The following ACAA2 variants were observed in gnomAD, a reference collection of about 807,000 sequenced individuals.
The protein encoded by ACAA2 is acetyl-CoA acyltransferase 2, also known as 3-ketoacyl-CoA thiolase, mitochondrial.
A neutral mutation model predicts 44.8 loss-of-function variants in ACAA2; 35 were observed. That is an observed-to-expected ratio of 0.78 (90% CI 0.60 to 1.04). The LOEUF (loss-of-function observed/expected upper bound fraction) is 1.04, where lower values mean the gene tolerates loss of function less well. Ranked by LOEUF, ACAA2 falls within the 50% of genes least tolerant of loss-of-function variation. The probability of loss-of-function intolerance (pLI) is 0.00; values close to 1 mark genes in which losing one functional copy is unlikely to be tolerated. For missense variants in ACAA2, 468 were observed against 482.6 expected (o/e 0.97, Z 0.28); for synonymous variants, 142 against 166.5 (o/e 0.85, Z 1.13).
At chr18:49,800,652 T>G (rs1385574008) in intron 2 of ACAA2, among the ~76,000 whole-genome samples, 2 of 152,166 alleles carry the variant, frequency 1.3e-5, no homozygotes, top group Non-Finnish European at 2.9e-5. Context: ...TTAAATGGAT[T>G]AAGGGCGGTG....
chr18:49,809,932 G>A (rs1030890186), intron 1 of ACAA2, among the ~76,000 whole-genome samples: 1 of 152,208 alleles, frequency 6.6e-6, no homozygotes, highest in East Asian at 1.9e-4. Context: ...CCACACTAAT[G>A]CAAAATGTTA....
intron 7 of ACAA2, 90 bp from the exon 8 acceptor site, chr18:49,787,451 GAAGA>G: frequency 1.0e-6 from 1 of 972,788 alleles, no homozygotes; most frequent in South Asian, 2.6e-5. Flanking sequence ...TCCAAGTAAG[GAAGA>G]AATAATGCGG....
chr18:49,787,692 AGTT>A (rs1305486639), intron 7 of ACAA2, among the ~76,000 whole-genome samples: 1 of 152,194 alleles, frequency 6.6e-6, no homozygotes, highest in Admixed American at 6.5e-5. Flanking sequence ...CAAGGTGAAA[AGTT>A]GTTTATACAT....
At chr18:49,810,974 G>GTT (rs111343132) in intron 1 of ACAA2, among the ~76,000 whole-genome samples, 2 of 53,338 alleles carry the variant, frequency 3.7e-5, no homozygotes, top group Non-Finnish European at 9.1e-5. Flanking sequence ...AAGGTTTAAA[G>GTT]TTTTTTTTTT....
At chr18:49,800,275 G>A (rs2023529144) in intron 2 of ACAA2, among the ~76,000 whole-genome samples, 1 of 148,344 alleles carries the variant, frequency 6.7e-6, no homozygotes, top group Admixed American at 6.8e-5. Flanking sequence ...AGGGAGGTGG[G>A]GGGGTCAGCC....
intron 7 of ACAA2, among the ~76,000 whole-genome samples, chr18:49,789,054 G>C (rs180974966): frequency 3.3e-5 from 5 of 152,308 alleles, no homozygotes; most frequent in Admixed American, 6.5e-5. Context: ...TGCTCCAGCT[G>C]AAGAGGCTCA....
intron 3 of ACAA2, among the ~76,000 whole-genome samples, chr18:49,796,392 C>T (rs2023464880): frequency 6.6e-6 from 1 of 152,166 alleles, no homozygotes; most frequent in South Asian, 2.1e-4. Flanking sequence ...AAATAATGAG[C>T]CTCTATGAAC....
chr18:49,800,296 C>T (rs1406092448), intron 2 of ACAA2, among the ~76,000 whole-genome samples: 2 of 148,912 alleles, frequency 1.3e-5, no homozygotes, highest in Non-Finnish European at 3.0e-5. Context: ...CCCCGCCCGG[C>T]CAGCCGCCCC....
At position 49,785,329 on chromosome 18, in the gene ACAA2, T is replaced by C; in HGVS notation, c.977A>G (p.Gln326Arg). The change falls in exon 9 of 10, where the codon CAG becomes CGG. Residue 326 changes from glutamine (Q) to arginine (R), a missense_variant. By Grantham distance (43) the Gln-to-Arg change is conservative. Coordinates refer to ENST00000285093, the MANE Select transcript of ACAA2 (RefSeq NM_006111.3). ...LVEVNEAFAP[Q>R]YLAVERSLDL... ...CAAACTCCTCTCAACAGCCAAGTAC[T>C]GGGGAGCAAAAGCTTCATTCACCTT... 1 of 1,613,500 alleles carries C rather than the reference T, an allele frequency of 6.2e-7. No individual in the cohort carries two copies. The highest frequency in any genetic ancestry group is 8.5e-7 in the Non-Finnish European group (1 of 1,179,874).
At chr18:49,790,387 ATTGT>A (rs1190250843) in intron 7 of ACAA2, among the ~76,000 whole-genome samples, 1 of 152,144 alleles carries the variant, frequency 6.6e-6, no homozygotes, top group Non-Finnish European at 1.5e-5. Flanking sequence ...TGTAAGTGGT[ATTGT>A]TTGAGTAGAA....
At chr18:49,788,304 A>C (rs536149749) in intron 7 of ACAA2, among the ~76,000 whole-genome samples, 10 of 152,370 alleles carry the variant, frequency 6.6e-5, no homozygotes, top group African/African-American at 2.4e-4. Flanking sequence ...GAATTCAAGT[A>C]GTCAAATATT....
At chr18:49,811,376 T>C (rs1434648667) in intron 1 of ACAA2, 1 of 152,180 alleles carries the variant, frequency 6.6e-6, no homozygotes. Flanking sequence ...TAAGGTAATT[T>C]AGCAGCCCTG....
chr18:49,794,481 ATATGT>A lies in ACAA2; in HGVS notation c.430-59_430-55del, dbSNP rs974935997. ...GTTAAGGCATTTCCTTTTAAAAGTA[ATATGT>A]TATAATTTCTTTAAATAATCAACAC... On this transcript the variant is annotated intron_variant, in intron 4 of 9. Coordinates refer to ENST00000285093, the MANE Select transcript of ACAA2 (RefSeq NM_006111.3). The A allele has an allele frequency of 2.2e-5, 18 of 821,620 alleles. No individual in the cohort carries two copies. The African/African-American group carries it at 2.3e-4, about 11-fold the overall frequency. The allele number at this position is 821,620 out of a possible 1,614,324, so 50.9% of individuals were successfully genotyped here. A position where few individuals can be genotyped will look rare whatever the true frequency, so the allele number is the denominator to read the frequency against.
intron 2 of ACAA2, 87 bp from the exon 3 acceptor site, chr18:49,797,681 T>C: frequency 8.5e-7 from 1 of 1,170,476 alleles, no homozygotes; most frequent in Non-Finnish European, 1.2e-6. Flanking sequence ...ATGTTGGCAA[T>C]CTATCAAAAA....
At chr18:49,809,096 C>T (rs570008192) in intron 1 of ACAA2, among the ~76,000 whole-genome samples, 2 of 152,258 alleles carry the variant, frequency 1.3e-5, no homozygotes, top group East Asian at 3.9e-4. Flanking sequence ...TGATATCTCT[C>T]CTACTTGCAT....
chr18:49,803,328 A>G (rs2023578198), intron 1 of ACAA2, among the ~76,000 whole-genome samples: 1 of 151,592 alleles, frequency 6.6e-6, no homozygotes, highest in Admixed American at 6.6e-5. Flanking sequence ...ATTTCCAGAC[A>G]TTGTATGAAA....
chr18:49,810,229 C>G (rs560675346), intron 1 of ACAA2, among the ~76,000 whole-genome samples: 1 of 152,306 alleles, frequency 6.6e-6, no homozygotes, highest in South Asian at 2.1e-4. Flanking sequence ...AACCTCAACT[C>G]TAATAAACAC....
chr18:49,785,581 A>T, intron 8 of ACAA2: 1 of 516,280 alleles, frequency 1.9e-6, no homozygotes, highest in South Asian at 2.4e-5. Context: ...AATTCTCAGT[A>T]ATCCCATAAA....
intron 2 of ACAA2, among the ~76,000 whole-genome samples, chr18:49,801,601 T>A (rs918127398): frequency 1.3e-5 from 2 of 151,920 alleles, no homozygotes; most frequent in Non-Finnish European, 1.5e-5. Context: ...TTTTTCTGGA[T>A]GTGAAGATAC....
Sources: gnomAD v4.1 joint callset for allele counts (sites outside exome capture counted in the v4.1 genomes callset) on GRCh38, gnomAD v4.1.1 for gene constraint, MANE v1.5 for transcripts, NCBI Gene and HGNC (gene_info 2026-07-23, HGNC 2026-07-21) for gene names.